The following CRPPA variants were observed in gnomAD, a reference collection of about 807,000 sequenced individuals.
CRPPA encodes the protein D-ribitol-5-phosphate cytidylyltransferase.
In CRPPA, 43 loss-of-function variants were observed where a neutral mutation model predicts 52.0. The observed-to-expected ratio is 0.83, with a 90% CI of 0.65 to 1.07. The LOEUF (loss-of-function observed/expected upper bound fraction) is 1.07. Among genes scored for constraint, CRPPA ranks in the 50% least tolerant of loss-of-function variants. The pLI, the probability that CRPPA is intolerant of heterozygous loss-of-function variation, is 0.00. For missense variants in CRPPA, 629 were observed against 551.7 expected (o/e 1.14, Z -1.40); for synonymous variants, 250 against 203.5 (o/e 1.23, Z -1.94).
At chr7:16,392,809 C>T (rs1157545460) in intron 2 of CRPPA, among the ~76,000 whole-genome samples, 1 of 152,054 alleles carries the variant, frequency 6.6e-6, no homozygotes, top group Non-Finnish European at 1.5e-5. Flanking sequence ...CTCTCATACA[C>T]CCAGCCTCCT....
At chr7:16,323,702 A>C (rs369355960) in intron 3 of CRPPA, among the ~76,000 whole-genome samples, 1 of 152,216 alleles carries the variant, frequency 6.6e-6, no homozygotes, top group Admixed American at 6.5e-5. Flanking sequence ...ATAATTGCTT[A>C]AGAAGATGTT....
chr7:16,146,476 A>C (rs79568869), intron 9 of CRPPA, among the ~76,000 whole-genome samples: 1 of 152,144 alleles, frequency 6.6e-6, no homozygotes, highest in Non-Finnish European at 1.5e-5. Context: ...AATCAAACTC[A>C]GAATATTAAT....
At chr7:16,170,731 A>G (rs1368783272) in intron 9 of CRPPA, among the ~76,000 whole-genome samples, 1 of 152,100 alleles carries the variant, frequency 6.6e-6, no homozygotes, top group Admixed American at 6.5e-5. Flanking sequence ...CCCTGCAGGG[A>G]GGCAGCTGAG....
At chr7:16,214,175 A>G (rs113596023) in intron 9 of CRPPA, among the ~76,000 whole-genome samples, 3,867 of 152,322 alleles carry the variant, frequency 0.025, 160 homozygotes, top group African/African-American at 0.087. Context: ...TAATTCAAGT[A>G]TGCTCCATGT....
intron 3 of CRPPA, among the ~76,000 whole-genome samples, chr7:16,349,050 C>A (rs1189728789): frequency 1.3e-5 from 2 of 152,202 alleles, no homozygotes; most frequent in Admixed American, 1.3e-4. Flanking sequence ...ATATTTGTAA[C>A]ATATCCTCTC....
intron 9 of CRPPA, among the ~76,000 whole-genome samples, chr7:16,165,926 T>C (rs1242218066): frequency 6.6e-6 from 1 of 152,246 alleles, no homozygotes; most frequent in Non-Finnish European, 1.5e-5. Context: ...CTCTAGCTAC[T>C]TTTTCTTCAC....
At chr7:16,149,917 C>T (rs957280847) in intron 9 of CRPPA, among the ~76,000 whole-genome samples, 7 of 150,762 alleles carry the variant, frequency 4.6e-5, no homozygotes, top group South Asian at 2.1e-4. Context: ...ACTCGGGAGG[C>T]GGAAGTTGCA....
At chr7:16,261,689 T>C (rs1299884693) in intron 6 of CRPPA, among the ~76,000 whole-genome samples, 1 of 152,056 alleles carries the variant, frequency 6.6e-6, no homozygotes, top group East Asian at 1.9e-4. Context: ...GTTCATACTT[T>C]CCCTCACAGA....
intron 2 of CRPPA, among the ~76,000 whole-genome samples, chr7:16,388,706 C>G (rs1405296821): frequency 6.6e-6 from 1 of 152,122 alleles, no homozygotes; most frequent in African/African-American, 2.4e-5. Flanking sequence ...GAAATCCTGT[C>G]TCTACTAAAA....
chr7:16,342,754 C>T (rs371520545), intron 3 of CRPPA, among the ~76,000 whole-genome samples: 3 of 5,462 alleles, frequency 5.5e-4, no homozygotes, highest in Non-Finnish European at 1.7e-3. Context: ...AGGATGAACC[C>T]TGTCTCCACA....
At chr7:16,107,240 G>T (rs917283054) in intron 9 of CRPPA, among the ~76,000 whole-genome samples, 1 of 152,048 alleles carries the variant, frequency 6.6e-6, no homozygotes, top group African/African-American at 2.4e-5. Flanking sequence ...TGACTTTCTG[G>T]GGATGCATGC....
Position 16,342,802 on chromosome 7 carries a change from T to TAGATAGATAGATAGATAGATAG in CRPPA, c.684+33289_684+33290insCTATCTATCTATCTATCTATCT, listed in dbSNP as rs1412142941. 5.9e-5 allele frequency among the ~76,000 whole-genome samples: 5 copies of TAGATAGATAGATAGATAGATAG among 84,790 alleles called. 1 individual carries two copies. The highest frequency in any genetic ancestry group is 1.2e-4 in the Admixed American group (1 of 8,354). The allele number at this position is 84,790 out of a possible 152,430, so 55.6% of individuals were successfully genotyped here. The stretch of plus-strand genomic sequence containing the variant: ...AAAAAAATATATATATATATATCTA[T>TAGATAGATAGATAGATAGATAG]ATAGATATATAGATATACATATATA... On this transcript the variant is annotated intron_variant, in intron 3 of 9. Transcript: ENST00000407010.
chr7:16,312,524 TACAG>T (rs1165839361), intron 3 of CRPPA, among the ~76,000 whole-genome samples: 11 of 152,110 alleles, frequency 7.2e-5, no homozygotes, highest in Admixed American at 3.9e-4. Flanking sequence ...AGATTTCCCA[TACAG>T]ACAATCATGT....
At chr7:16,385,394 C>T (rs368299339) in intron 2 of CRPPA, among the ~76,000 whole-genome samples, 27 of 152,238 alleles carry the variant, frequency 1.8e-4, no homozygotes, top group East Asian at 1.5e-3. Flanking sequence ...GGAAGAAAAT[C>T]TTGAAAGCAG....
chr7:16,156,384 G>A (rs960953873), intron 9 of CRPPA, among the ~76,000 whole-genome samples: 2 of 152,164 alleles, frequency 1.3e-5, no homozygotes, highest in Non-Finnish European at 2.9e-5. Flanking sequence ...AAGGGTTAAC[G>A]TCTTTTCTGA....
chr7:16,403,228 C>T (rs1037827770), intron 2 of CRPPA, among the ~76,000 whole-genome samples: 1 of 152,064 alleles, frequency 6.6e-6, no homozygotes, highest in Non-Finnish European at 1.5e-5. Context: ...TGGAATTTTG[C>T]TCCCGAACTT....
intron 3 of CRPPA, among the ~76,000 whole-genome samples, chr7:16,346,953 A>T (rs1197609904): frequency 2.0e-5 from 3 of 152,088 alleles, no homozygotes; most frequent in Non-Finnish European, 2.9e-5. Flanking sequence ...CCACCCAGTC[A>T]ACTCCACCCT....
At chr7:16,213,475 G>A (rs924030264) in intron 9 of CRPPA, among the ~76,000 whole-genome samples, 4 of 151,756 alleles carry the variant, frequency 2.6e-5, no homozygotes, top group African/African-American at 4.8e-5. Flanking sequence ...TTGGCCAGGC[G>A]CGGTGGCTCA....
At chr7:16,266,732 G>C (rs891058491) in intron 6 of CRPPA, among the ~76,000 whole-genome samples, 1 of 152,086 alleles carries the variant, frequency 6.6e-6, no homozygotes, top group African/African-American at 2.4e-5. Context: ...ACCCGCCTCG[G>C]CCTCCTAAAG....
Sources: gnomAD v4.1 joint callset for allele counts (sites outside exome capture counted in the v4.1 genomes callset) on GRCh38, gnomAD v4.1.1 for gene constraint, MANE v1.5 for transcripts, NCBI Gene and HGNC (gene_info 2026-07-23, HGNC 2026-07-21) for gene names.